CNTN4: variants seen among roughly 807,000 people sequenced by gnomAD.
CNTN4 encodes the protein contactin 4, also known as contactin-4.
A neutral mutation model predicts 122.5 loss-of-function variants in CNTN4; 77 were observed. The ratio of observed to expected loss-of-function variants is 0.63; its 90% CI spans 0.52 to 0.76. The LOEUF (loss-of-function observed/expected upper bound fraction) is 0.76, where lower values mean the gene tolerates loss of function less well. Among genes scored for constraint, CNTN4 ranks in the 30% least tolerant of loss-of-function variants. CNTN4 has a pLI of 0.00. For synonymous variants in CNTN4, 512 were observed against 447.0 expected, an observed-to-expected ratio of 1.15 and a Z score of -1.83; for missense variants, 1,256 against 1,259.1, an observed-to-expected ratio of 1.00 and a Z score of 0.04.
chr3:2,112,630 GA>G (rs1294991494), intron 2 of CNTN4, among the ~76,000 whole-genome samples: 5 of 152,148 alleles, frequency 3.3e-5, no homozygotes, highest in African/African-American at 1.2e-4. Flanking sequence ...GGGATTCAAA[GA>G]ATGTTTATAT....
intron 6 of CNTN4, among the ~76,000 whole-genome samples, chr3:2,811,807 C>G (rs2092619041): frequency 1.1e-5 from 1 of 92,188 alleles, no homozygotes; most frequent in Admixed American, 9.3e-5. Context: ...GCTGGGACTA[C>G]AGCACATGTC....
chr3:2,125,562 CTTTT>C (rs201659840), intron 2 of CNTN4, among the ~76,000 whole-genome samples: 2 of 124,012 alleles, frequency 1.6e-5, no homozygotes, highest in Non-Finnish European at 3.4e-5. Context: ...TTTTCTTTTT[CTTTT>C]TTTTTTTTTT....
At chr3:2,784,222 A>T (rs1287735942) in intron 6 of CNTN4, among the ~76,000 whole-genome samples, 2 of 152,180 alleles carry the variant, frequency 1.3e-5, no homozygotes, top group African/African-American at 2.4e-5. Flanking sequence ...CGGGGAATGG[A>T]TACAAGGCCA....
intron 3 of CNTN4, among the ~76,000 whole-genome samples, chr3:2,486,162 G>A (rs535136603): frequency 1.3e-5 from 2 of 152,174 alleles, no homozygotes; most frequent in East Asian, 1.9e-4. Context: ...CACTCACTGC[G>A]AAGGTCTGCA....
In CNTN4 at chr3:2,839,785, A is replaced by T. The variant is rs556846709; in HGVS notation, c.454+20204A>T. ...AACTGACTTGATTTCCATGGGTTAC[A>T]CTTGACATCTCATTCACTTACAGAC... is the stretch of plus-strand genomic sequence containing the variant. On this transcript the variant is annotated intron_variant, in intron 7 of 24. Transcript: ENST00000418658. Among the ~76,000 whole-genome samples the T allele has an allele frequency of 5.3e-5, 8 of 152,280 alleles. No individual in the cohort carries two copies. In the South Asian group the frequency reaches 1.7e-3, roughly 32 times the overall value.
At chr3:2,719,778 A>C (rs1002925633) in intron 4 of CNTN4, among the ~76,000 whole-genome samples, 4 of 152,164 alleles carry the variant, frequency 2.6e-5, no homozygotes, top group African/African-American at 9.7e-5. Context: ...AAATTCAAAA[A>C]TTGACTTTCT....
At chr3:2,138,851 T>TTC (rs147643217) in intron 2 of CNTN4, among the ~76,000 whole-genome samples, 54 of 150,412 alleles carry the variant, frequency 3.6e-4, no homozygotes, top group South Asian at 2.9e-3. Context: ...ATAAATTTTC[T>TTC]TCTCTCTCTC....
intron 2 of CNTN4, among the ~76,000 whole-genome samples, chr3:2,150,423 T>G (rs932747365): frequency 6.6e-6 from 1 of 152,212 alleles, no homozygotes; most frequent in Non-Finnish European, 1.5e-5. Context: ...TGCAATTTTT[T>G]TGGATATTTG....
intron 4 of CNTN4, among the ~76,000 whole-genome samples, chr3:2,702,333 G>C (rs2086401810): frequency 6.6e-6 from 1 of 152,212 alleles, no homozygotes; most frequent in East Asian, 1.9e-4. Context: ...GTAGGTAAAA[G>C]AACAAACGAA....
chr3:2,115,186 C>T (rs756186720), intron 2 of CNTN4, among the ~76,000 whole-genome samples: 10 of 152,158 alleles, frequency 6.6e-5, no homozygotes, highest in Non-Finnish European at 1.2e-4. Flanking sequence ...TCTCCTCATA[C>T]GTAGAATCTT....
intron 4 of CNTN4, among the ~76,000 whole-genome samples, chr3:2,635,974 C>T (rs539833396): frequency 1.6e-4 from 24 of 152,262 alleles, no homozygotes; most frequent in African/African-American, 5.3e-4. Flanking sequence ...TTCCTTACTC[C>T]TCCCTAATTC....
chr3:2,324,333 T>C (rs569515514), intron 2 of CNTN4, among the ~76,000 whole-genome samples: 1 of 152,110 alleles, frequency 6.6e-6, no homozygotes, highest in South Asian at 2.1e-4. Flanking sequence ...TCTTGTAAGA[T>C]ACACACGCAC....
intron 2 of CNTN4, among the ~76,000 whole-genome samples, chr3:2,178,376 A>G (rs1273577601): frequency 1.3e-5 from 2 of 152,064 alleles, no homozygotes; most frequent in East Asian, 1.9e-4. Context: ...AGAGTGTTTC[A>G]CAAAGTGTGA....
chr3:2,799,737 T>A (rs867068230), intron 6 of CNTN4, among the ~76,000 whole-genome samples: 6 of 152,144 alleles, frequency 3.9e-5, no homozygotes, highest in African/African-American at 9.7e-5. Flanking sequence ...TAGAAAAAAA[T>A]TTTAATTTTA....
At chr3:2,437,209 G>A (rs114030404) in intron 3 of CNTN4, among the ~76,000 whole-genome samples, 1,643 of 152,234 alleles carry the variant, frequency 0.011, 27 homozygotes, top group African/African-American at 0.037. Flanking sequence ...ATTCTAGCGA[G>A]TAAAGGGAAG....
intron 4 of CNTN4, among the ~76,000 whole-genome samples, chr3:2,575,537 A>C (rs1322798843): frequency 6.6e-6 from 1 of 152,060 alleles, no homozygotes; most frequent in African/African-American, 2.4e-5. Context: ...GAAAGAAATG[A>C]TACCGCATAC....
chr3:2,935,487 C>T (rs2094559802), intron 13 of CNTN4, among the ~76,000 whole-genome samples: 1 of 152,118 alleles, frequency 6.6e-6, no homozygotes, highest in East Asian at 1.9e-4. Context: ...TCATTGGAAC[C>T]AGCCCTCACC....
At chr3:2,366,936 A>G (rs2045403396) in intron 3 of CNTN4, among the ~76,000 whole-genome samples, 2 of 152,140 alleles carry the variant, frequency 1.3e-5, no homozygotes, top group Admixed American at 1.3e-4. Flanking sequence ...AACTAAAAAT[A>G]TTCATGCTTA....
At chr3:2,123,931 C>T (rs1317178934) in intron 2 of CNTN4, among the ~76,000 whole-genome samples, 2 of 152,054 alleles carry the variant, frequency 1.3e-5, no homozygotes, top group African/African-American at 4.8e-5. Flanking sequence ...CTTGATTAGG[C>T]CCTGGTGAAT....
Sources: allele counts gnomAD v4.1 joint callset (sites outside exome capture counted in the v4.1 genomes callset), GRCh38; gene constraint gnomAD v4.1.1; transcripts MANE v1.5; gene names NCBI Gene and HGNC (gene_info 2026-07-23, HGNC 2026-07-21).